Variants in METTL5 observed in about 807,000 individuals in gnomAD.
METTL5 encodes rRNA N(6)-adenosine-methyltransferase METTL5.
Under a neutral mutation model 26.5 loss-of-function variants are expected in METTL5, and 28 were observed. That is an observed-to-expected ratio of 1.06 (90% CI 0.78 to 1.45). METTL5 has a LOEUF of 1.45. Among genes scored for constraint, METTL5 ranks in the 40% most tolerant of loss-of-function variants. The pLI, the probability that METTL5 is intolerant of heterozygous loss-of-function variation, is 0.00. For missense variants in METTL5, 231 were observed against 249.9 expected (o/e 0.92, Z 0.51); for synonymous variants, 86 against 82.6 (o/e 1.04, Z -0.22).
At position 169,811,875 on chromosome 2, in the gene METTL5, ATT is replaced by A; in HGVS notation, c.592-19_592-18del. 1 of 1,611,936 alleles carries A rather than the reference ATT, an allele frequency of 6.2e-7. No homozygotes were observed. The highest frequency in any genetic ancestry group is 8.5e-7 in the Non-Finnish European group (1 of 1,179,402). On this transcript the variant is annotated intron_variant, in intron 6 of 6. Transcript: ENST00000260953. ...AATGTCCACCTGTGAGAAAGGAAAA[ATT>A]TTTTTGTTGTTTAACTTGTCTTTTT...
chr2:169,815,418 T>C, intron 5 of METTL5, 59 bp downstream of exon 5: 2 of 1,251,082 alleles, frequency 1.6e-6, no homozygotes, highest in Non-Finnish European at 2.3e-6. Context: ...TGCATGAAAA[T>C]TTTGGTTGGG....
At chr2:169,823,636 A>G (rs1573974923) in intron 1 of METTL5, among the ~76,000 whole-genome samples, 1 of 152,158 alleles carries the variant, frequency 6.6e-6, no homozygotes, top group South Asian at 2.1e-4. Flanking sequence ...CTTGGGCAAC[A>G]TAGCAAGACG....
intron 4 of METTL5, 122 bp downstream of exon 4, chr2:169,819,439 T>G: frequency 1.5e-6 from 1 of 649,380 alleles, no homozygotes; most frequent in Non-Finnish European, 2.5e-6. Context: ...AATTTAAGTT[T>G]CACATGTCAA....
chr2:169,815,625 A>C, intron 4 of METTL5, 97 bp from the exon 5 acceptor site: 2 of 831,812 alleles, frequency 2.4e-6, no homozygotes, highest in South Asian at 1.9e-5. Flanking sequence ...TTTAAGCTTA[A>C]AATTTCATTA....
chr2:169,822,121 T>C (rs1403873389), intron 1 of METTL5, 64 bp from the exon 2 acceptor site: 16 of 1,542,374 alleles, frequency 1.0e-5, no homozygotes, highest in Non-Finnish European at 1.3e-5. Context: ...TTTGTGCAAA[T>C]GACTCTTTCT....
intron 4 of METTL5, among the ~76,000 whole-genome samples, chr2:169,816,903 C>G (rs1433305575): frequency 6.6e-6 from 1 of 152,078 alleles, no homozygotes; most frequent in Non-Finnish European, 1.5e-5. Flanking sequence ...ACCAAAACAC[C>G]AAAAGCAATG....
chr2:169,812,486 C>G lies in METTL5; in HGVS notation c.562G>C (p.Ala188Pro), dbSNP rs1219714887. 2 of 1,613,868 alleles carry G rather than the reference C, an allele frequency of 1.2e-6. No homozygotes were observed. The highest frequency in any genetic ancestry group is 1.7e-6 in the Non-Finnish European group (2 of 1,179,980). Residue 188 changes from alanine to proline, a missense_variant, in exon 6 of 7, where the codon GCA becomes CCA. Coordinates refer to ENST00000260953, the MANE Select transcript of METTL5 (RefSeq NM_014168.4). Reference sequence around the variant, plus strand: ...TTCTTTTTGTGAAACTTGTATGATGCTGGCAGGTCATATCGAAGTTCTGTA... The same window carrying G: ...TTCTTTTTGTGAAACTTGTATGATGGTGGCAGGTCATATCGAAGTTCTGTA... ...IIAELRYDLP[A>P]SYKFHKKKSV...
At chr2:169,823,508 G>C (rs533741654) in intron 1 of METTL5, among the ~76,000 whole-genome samples, 3 of 152,216 alleles carry the variant, frequency 2.0e-5, no homozygotes, top group African/African-American at 4.8e-5. Context: ...ACTCCTTGCA[G>C]GTACTCTCAG....
intron 1 of METTL5, among the ~76,000 whole-genome samples, chr2:169,823,199 G>C (rs987881492): frequency 5.3e-5 from 8 of 151,740 alleles, no homozygotes; most frequent in Non-Finnish European, 7.4e-5. Context: ...GGCTGATCTT[G>C]AACTCCTGGG....
In METTL5 at chr2:169,824,634, A is replaced by C; in HGVS notation, c.-37T>G. ...GTATGGACTCGTAGGGTTTGAAGGCACAGGATCTGCGGAGAAATCTATTGA... is the reference window on the plus strand; with the variant it reads ...GTATGGACTCGTAGGGTTTGAAGGCCCAGGATCTGCGGAGAAATCTATTGA... On this transcript the variant is annotated 5_prime_UTR_variant, in exon 1 of 7. Transcript: ENST00000260953. 6.8e-7 allele frequency: 1 copy of C among 1,476,220 alleles called. No homozygotes were observed. Among genetic ancestry groups the C allele is most frequent in the East Asian group, 2.3e-5 (1 of 44,200 alleles). 91.4% of individuals were successfully genotyped at this position (1,476,220 alleles called of 1,614,324 possible). A position where few individuals can be genotyped will look rare whatever the true frequency, so the allele number is the denominator to read the frequency against.
Position 169,824,683 on chromosome 2 carries a change from C to A in METTL5, c.-86G>T, listed in dbSNP as rs2081629728. The A allele has an allele frequency of 1.8e-6, 2 of 1,091,520 alleles. No individual in the cohort carries two copies. The highest frequency in any genetic ancestry group is 1.7e-5 in the Admixed American group (1 of 57,884). 67.6% of individuals were successfully genotyped at this position (1,091,520 alleles called of 1,614,324 possible). A position where few individuals can be genotyped will look rare whatever the true frequency, so the allele number is the denominator to read the frequency against. On this transcript the variant is annotated 5_prime_UTR_variant, in exon 1 of 7. Transcript: ENST00000260953. Reference sequence around the variant, plus strand: ...GAACTGGGATCTTGTTTCCTCCCTACCCCCAACCTTCTCCCTTTTTCAGCA... The same window carrying A: ...GAACTGGGATCTTGTTTCCTCCCTAACCCCAACCTTCTCCCTTTTTCAGCA...
chr2:169,819,349 C>T (rs1362294584), intron 4 of METTL5, among the ~76,000 whole-genome samples: 1 of 152,026 alleles, frequency 6.6e-6, no homozygotes, highest in Non-Finnish European at 1.5e-5. Flanking sequence ...GGCAACAGTT[C>T]CTGTCTGAAA....
Position 169,819,667 on chromosome 2 carries a change from C to T in METTL5, c.407-24G>A, listed in dbSNP as rs757837929. On this transcript the variant is annotated intron_variant, in intron 3 of 6. Coordinates refer to ENST00000260953, the MANE Select transcript of METTL5 (RefSeq NM_014168.4). Reference sequence around the variant, plus strand: ...CCCTGTGAAGAGTAGAAAAAAAGCTCCTATTTACCTCTTCTCAAAACAGAA... The same window carrying T: ...CCCTGTGAAGAGTAGAAAAAAAGCTTCTATTTACCTCTTCTCAAAACAGAA... 8.2e-5 allele frequency: 123 copies of T among 1,500,330 alleles called. 2 individuals carry two copies. In the South Asian group the frequency reaches 1.4e-3, roughly 17 times the overall value. The allele number at this position is 1,500,330 out of a possible 1,614,324, so 92.9% of individuals were successfully genotyped here. A position where few individuals can be genotyped will look rare whatever the true frequency, so the allele number is the denominator to read the frequency against.
chr2:169,820,384 G>T (rs188673290), intron 3 of METTL5, among the ~76,000 whole-genome samples: 25 of 152,310 alleles, frequency 1.6e-4, no homozygotes, highest in African/African-American at 5.5e-4. Flanking sequence ...GGTCTGTTAA[G>T]ACATTAAAAA....
chr2:169,817,912 A>C (rs77950863), intron 4 of METTL5, among the ~76,000 whole-genome samples: 1 of 150,948 alleles, frequency 6.6e-6, no homozygotes, highest in Admixed American at 6.6e-5. Flanking sequence ...AAGTATAATT[A>C]AAAAAAAAAT....
At chr2:169,815,381 T>TA in intron 5 of METTL5, 96 bp downstream of exon 5, 1 of 823,814 alleles carries the variant, frequency 1.2e-6, no homozygotes. Flanking sequence ...TGCCACACTG[T>TA]AAAGCATAGT....
rs368569451 is a variant in METTL5, at chr2:169,824,762, G to A, written c.-165C>T. 1.1e-4 allele frequency: 66 copies of A among 583,188 alleles called. No individual in the cohort carries two copies. The African/African-American group carries it at 1.2e-3, about 11-fold the overall frequency. 36.1% of individuals were successfully genotyped at this position (583,188 alleles called of 1,614,324 possible). ...AAGGAGACGCCCGGACGCAGGGCAC[G>A]GGGCGAGCCTCTGACCCACCTCCCG... On this transcript the variant is annotated 5_prime_UTR_variant, in exon 1 of 7. Transcript: ENST00000260953.
intron 4 of METTL5, among the ~76,000 whole-genome samples, chr2:169,818,178 A>C (rs2105717576): frequency 6.6e-6 from 1 of 152,318 alleles, no homozygotes; most frequent in East Asian, 1.9e-4. Flanking sequence ...GTCCCTAATA[A>C]AAGCCCTGGG....
chr2:169,819,285 C>G (rs891298725), intron 4 of METTL5, among the ~76,000 whole-genome samples: 1 of 152,130 alleles, frequency 6.6e-6, no homozygotes, highest in Non-Finnish European at 1.5e-5. Flanking sequence ...CCAAAACATA[C>G]AGTAATCCTA....
Sources: allele counts gnomAD v4.1 joint callset (sites outside exome capture counted in the v4.1 genomes callset), GRCh38; gene constraint gnomAD v4.1.1; transcripts MANE v1.5; gene names NCBI Gene and HGNC (gene_info 2026-07-23, HGNC 2026-07-21).